FOXP4: variants seen among roughly 807,000 people sequenced by gnomAD.
FOXP4 encodes forkhead box protein P4.
In FOXP4, 25 loss-of-function variants were observed where a neutral mutation model predicts 82.6. That is an observed-to-expected ratio of 0.30 (90% confidence interval 0.22 to 0.42). The LOEUF (loss-of-function observed/expected upper bound fraction) is 0.42. FOXP4 is among the 10% of genes least tolerant of loss of function. The probability of loss-of-function intolerance (pLI) is 1.00; values close to 1 mark genes in which losing one functional copy is unlikely to be tolerated. For synonymous variants in FOXP4, 415 were observed against 388.2 expected, an observed-to-expected ratio of 1.07 and a Z score of -0.81; for missense variants, 785 against 900.9, an observed-to-expected ratio of 0.87 and a Z score of 1.65.
chr6:41,582,517 C>G (rs1469766636), intron 3 of FOXP4, among the ~76,000 whole-genome samples: 2 of 152,234 alleles, frequency 1.3e-5, no homozygotes, highest in Admixed American at 1.3e-4. Flanking sequence ...ATCTAGGGCT[C>G]TGAGCTCACC....
rs924502863 is a variant in FOXP4, at chr6:41,593,134, G to C, written c.1537-1736G>C. ...AGCCAAATGCATTCATGTTACTTGG[G>C]AAATACACCATCTACACCCAACTCT... is the stretch of plus-strand genomic sequence containing the variant. On this transcript the variant is annotated intron_variant, in intron 13 of 16. Coordinates refer to ENST00000307972, the MANE Select transcript of FOXP4 (RefSeq NM_001012426.2). The surrounding 1 kb of genome is among the most constrained non-coding windows in gnomAD (Gnocchi z 4.1). Among the ~76,000 whole-genome samples the C allele has an allele frequency of 2.6e-5, 4 of 152,196 alleles. No homozygotes were observed. Among genetic ancestry groups the C allele is most frequent in the Non-Finnish European group, 5.9e-5 (4 of 68,006 alleles).
At chr6:41,570,122 T>C in intron 2 of FOXP4, 1 of 253,002 alleles carries the variant, frequency 4.0e-6, no homozygotes, top group Non-Finnish European at 7.5e-6. Context: ...ACACACGCAG[T>C]CAACAGTTGT....
chr6:41,575,205 T>TG (rs1021135495), intron 2 of FOXP4, among the ~76,000 whole-genome samples: 1 of 152,184 alleles, frequency 6.6e-6, no homozygotes, highest in African/African-American at 2.4e-5. Flanking sequence ...CCTGACCTCA[T>TG]GATCCGCCTG....
chr6:41,548,611 G>C (rs1449452512), intron 1 of FOXP4: 1 of 152,352 alleles, frequency 6.6e-6, no homozygotes, highest in Non-Finnish European at 1.5e-5. Context: ...ACTTTCCACA[G>C]AAAACCAGGG....
rs1467355852 is a variant in FOXP4, at chr6:41,589,759, C to A, written c.1066-12C>A. On this transcript the variant is annotated splice_polypyrimidine_tract_variant and intron_variant, in intron 9 of 16. Transcript: ENST00000307972. ...GCCTCCCGCTCACCTCCTGCTTTGC[C>A]ACCCTCCACAGCTCGCCAAGGAGAG... 2.5e-6 allele frequency: 4 copies of A among 1,609,658 alleles called. No individual in the cohort carries two copies. In the African/African-American group the frequency reaches 5.3e-5, roughly 22 times the overall value.
At chr6:41,585,850 G>A (rs1766086588) in intron 5 of FOXP4, among the ~76,000 whole-genome samples, 1 of 151,808 alleles carries the variant, frequency 6.6e-6, no homozygotes, top group African/African-American at 2.4e-5. Flanking sequence ...CTGCCCCCTT[G>A]TCTCTTTGTG....
In FOXP4 at chr6:41,593,698, C is replaced by T. The variant is rs1221337423; in HGVS notation, c.1537-1172C>T. On this transcript the variant is annotated intron_variant, in intron 13 of 16. Transcript: ENST00000307972. This position sits in a 1 kb window ranked among gnomAD's most constrained non-coding sequence, Gnocchi z 4.1. Reference sequence around the variant, plus strand: ...ATTATCGCTCCAAGAGATTCCACTCCAGCCGCCCGCCTCCCTCGTGGATTA... The same window carrying T: ...ATTATCGCTCCAAGAGATTCCACTCTAGCCGCCCGCCTCCCTCGTGGATTA... Among the ~76,000 whole-genome samples the T allele has an allele frequency of 6.6e-6, 1 of 152,194 alleles. No homozygotes were observed. Among genetic ancestry groups the T allele is most frequent in the Non-Finnish European group, 1.5e-5 (1 of 68,050 alleles).
At chr6:41,572,383 C>G (rs1765250952) in intron 2 of FOXP4, among the ~76,000 whole-genome samples, 1 of 152,194 alleles carries the variant, frequency 6.6e-6, no homozygotes, top group Non-Finnish European at 1.5e-5. Flanking sequence ...TAGTGTCTGT[C>G]TCGGCCCATT....
chr6:41,570,095 C>A (rs1765109419), intron 2 of FOXP4: 1 of 303,230 alleles, frequency 3.3e-6, no homozygotes, highest in Non-Finnish European at 6.6e-6. Context: ...CACACACACA[C>A]ACACACACAC....
Position 41,588,692 on chromosome 6 carries a change from C to T in FOXP4, c.1026C>T (p.Cys342=). 1 of 1,613,970 alleles carries T rather than the reference C, an allele frequency of 6.2e-7. No individual in the cohort carries two copies. Among genetic ancestry groups the T allele is most frequent in the Non-Finnish European group, 8.5e-7 (1 of 1,180,014 alleles). The change falls in exon 9 of 17, where the codon TGC becomes TGT. Residue 342 remains cysteine, a synonymous_variant. Coordinates refer to ENST00000307972, the MANE Select transcript of FOXP4 (RefSeq NM_001012426.2). ...HALDDRSTAQ[C]RVQMQVVQQL... ...TGGATGACCGGAGTACAGCCCAGTGCCGGGTACAGATGCAGGTGGTGCAGC... is the reference window on the plus strand; with the variant it reads ...TGGATGACCGGAGTACAGCCCAGTGTCGGGTACAGATGCAGGTGGTGCAGC...
chr6:41,565,695 TTTCAGCC>T (rs1389627772), intron 1 of FOXP4, 43 bp from the exon 2 acceptor site: 18 of 1,513,292 alleles, frequency 1.2e-5, no homozygotes, highest in Non-Finnish European at 1.5e-5. Flanking sequence ...GTCACTGCCC[TTTCAGCC>T]TTCAGCCTCA....
rs1767193643 is a variant in FOXP4, at chr6:41,601,012, C to T, written c.*2076C>T. The T allele has an allele frequency of 6.6e-6, 1 of 152,220 alleles. No individual in the cohort carries two copies. Among genetic ancestry groups the T allele is most frequent in the African/African-American group, 2.4e-5 (1 of 41,438 alleles). 9.4% of individuals were successfully genotyped at this position (152,220 alleles called of 1,614,324 possible). On this transcript the variant is annotated 3_prime_UTR_variant, in exon 17 of 17. Coordinates refer to ENST00000307972, the MANE Select transcript of FOXP4 (RefSeq NM_001012426.2). ...GGACCACCGCCGCAGGGTTCTTTTA[C>T]CTGTGCCACCAGCTCTGGAGACATC...
rs767113603 is a variant in FOXP4, at chr6:41,590,059, G to A, written c.1246G>A (p.Ala416Thr). Reference protein sequence around the residue: ...DGLVHPPTSAAAPVTPLRPPG... With the variant: ...DGLVHPPTSATAPVTPLRPPG... ...TCTCGTGCACCCCCCGACCTCGGCC[G>A]CAGCCCCTGTCACCCCTCTACGGCC... The change falls in exon 11 of 17, where the codon GCA becomes ACA. Residue 416 changes from alanine (A) to threonine (T), a missense_variant. Coordinates refer to ENST00000307972, the MANE Select transcript of FOXP4 (RefSeq NM_001012426.2). The A allele has an allele frequency of 1.4e-5, 22 of 1,613,658 alleles. No individual in the cohort carries two copies. Among genetic ancestry groups the A allele is most frequent in the Non-Finnish European group, 1.7e-5 (20 of 1,179,968 alleles).
chr6:41,587,345 T>C lies in FOXP4; in HGVS notation c.705T>C (p.Gly235=). The change falls in exon 7 of 17, where the codon GGT becomes GGC. Residue 235 remains glycine (G), a synonymous_variant. Coordinates refer to ENST00000307972, the MANE Select transcript of FOXP4 (RefSeq NM_001012426.2). ...TGCCCCAGCTGTGGAAGGGCGAGGGTGCCCCCGGGCAGCCTGCCGAGGACA... is the reference window on the plus strand; with the variant it reads ...TGCCCCAGCTGTGGAAGGGCGAGGGCGCCCCCGGGCAGCCTGCCGAGGACA... ...TDLPQLWKGE[G]APGQPAEDSV... is the part of the protein sequence containing the mutation. 1 of 1,611,058 alleles carries C rather than the reference T, an allele frequency of 6.2e-7. No individual in the cohort carries two copies. The highest frequency in any genetic ancestry group is 8.5e-7 in the Non-Finnish European group (1 of 1,178,606).
intron 3 of FOXP4, among the ~76,000 whole-genome samples, chr6:41,581,006 T>G (rs1008741887): frequency 2.0e-5 from 3 of 152,194 alleles, no homozygotes; most frequent in Admixed American, 6.5e-5. Flanking sequence ...GAGAGACCTA[T>G]CATAGAAGGC....
At chr6:41,569,986 C>G (rs1435192060) in intron 2 of FOXP4, among the ~76,000 whole-genome samples, 3 of 151,876 alleles carry the variant, frequency 2.0e-5, no homozygotes, top group African/African-American at 7.3e-5. Flanking sequence ...CTTTTCCTCC[C>G]CCATCTGGGC....
rs1320256815 is a variant in FOXP4, at chr6:41,591,805, ACTCACAGCC to A, written c.1536+487_1536+495del. 1.3e-5 allele frequency among the ~76,000 whole-genome samples: 2 copies of A among 152,168 alleles called. No individual in the cohort carries two copies. Among genetic ancestry groups the A allele is most frequent in the Non-Finnish European group, 2.9e-5 (2 of 68,036 alleles). On this transcript the variant is annotated intron_variant, in intron 13 of 16. Coordinates refer to ENST00000307972, the MANE Select transcript of FOXP4 (RefSeq NM_001012426.2). The surrounding 1 kb of genome is among the most constrained non-coding windows in gnomAD (Gnocchi z 4.2). ...GACCACACATTGGGGCACTGACGGC[ACTCACAGCC>A]CTCCCCAGCTCTGCCATCCCTGGCA...
intron 1 of FOXP4, among the ~76,000 whole-genome samples, chr6:41,550,495 G>T (rs932004184): frequency 2.0e-5 from 3 of 152,224 alleles, no homozygotes; most frequent in Non-Finnish European, 2.9e-5. Flanking sequence ...GAGGCAACTT[G>T]TCCAAGGTTA....
At chr6:41,568,054 T>TGGCA (rs1314974257) in intron 2 of FOXP4, among the ~76,000 whole-genome samples, 2 of 152,246 alleles carry the variant, frequency 1.3e-5, no homozygotes, top group African/African-American at 4.8e-5. Context: ...AAATAGTCCA[T>TGGCA]GGGCTATTCC....
Sources: gnomAD v4.1 joint callset for allele counts (sites outside exome capture counted in the v4.1 genomes callset) on GRCh38, gnomAD v4.1.1 for gene constraint, Gnocchi (gnomAD v3.1) non-coding constraint, MANE v1.5 for transcripts, NCBI Gene and HGNC (gene_info 2026-07-23, HGNC 2026-07-21) for gene names.